TXLNB: variants seen among roughly 807,000 people sequenced by gnomAD.
TXLNB encodes taxilin beta.
A neutral mutation model predicts 57.4 loss-of-function variants in TXLNB; 37 were observed. The observed-to-expected ratio is 0.64, with a 90% CI of 0.50 to 0.85. The LOEUF is 0.85. Ranked by LOEUF, TXLNB falls within the 40% of genes least tolerant of loss-of-function variation. The probability of loss-of-function intolerance (pLI) is 0.00; values close to 1 mark genes in which losing one functional copy is unlikely to be tolerated. For missense variants in TXLNB, 848 were observed against 825.6 expected, an observed-to-expected ratio of 1.03 and a Z score of -0.33; for synonymous variants, 302 against 309.6, an observed-to-expected ratio of 0.98 and a Z score of 0.26.
the TXLNB span, among the ~76,000 whole-genome samples, chr6:139,212,672 G>A: frequency 6.0e-5 from 9 of 150,306 alleles, no homozygotes; most frequent in South Asian, 2.1e-4. Flanking sequence ...CAATTAAAAG[G>A]CACAGACTGG....
At chr6:139,322,966 T>C in the TXLNB span, among the ~76,000 whole-genome samples, 1 of 152,208 alleles carries the variant, frequency 6.6e-6, no homozygotes, top group Non-Finnish European at 1.5e-5. Context: ...CAGAGGCCCA[T>C]GGGGCTATCA....
At chr6:139,314,887 A>G in the TXLNB span, among the ~76,000 whole-genome samples, 1 of 152,194 alleles carries the variant, frequency 6.6e-6, no homozygotes, top group African/African-American at 2.4e-5. Flanking sequence ...TCTGAAACGA[A>G]ATTGCTAACA....
At chr6:139,178,902 T>C in the TXLNB span, 1 of 152,222 alleles carries the variant, frequency 6.6e-6, no homozygotes, top group Non-Finnish European at 1.5e-5. Flanking sequence ...AAGTATTTGA[T>C]GTTTTGTTTG....
In TXLNB at chr6:139,270,401, C is replaced by G; in HGVS notation, c.687+55G>C. 2.6e-6 allele frequency: 4 copies of G among 1,520,070 alleles called. 1 individual carries two copies. The highest frequency in any genetic ancestry group is 3.6e-6 in the Non-Finnish European group (4 of 1,116,066). 94.2% of individuals were successfully genotyped at this position (1,520,070 alleles called of 1,614,324 possible). ...ACACTCTTTCCATGAGTAGCAGAGG[C>G]CTGTCTCTGTGCCCCATTCAAGAAA... On this transcript the variant is annotated intron_variant, in intron 4 of 9. Transcript: ENST00000358430.
At chr6:139,266,965 G>GAAAAAA (rs201223278) in intron 4 of TXLNB, among the ~76,000 whole-genome samples, 1 of 110,490 alleles carries the variant, frequency 9.1e-6, no homozygotes, top group Non-Finnish European at 2.0e-5. Flanking sequence ...AGGCTAAAAG[G>GAAAAAA]AAAAAAAAAA....
the TXLNB span, among the ~76,000 whole-genome samples, chr6:139,181,790 G>A: frequency 6.6e-6 from 1 of 152,074 alleles, no homozygotes; most frequent in East Asian, 1.9e-4. Flanking sequence ...TATAAAAGAG[G>A]GTGAAAATAC....
At chr6:139,255,917 A>G (rs544887038) in intron 6 of TXLNB, among the ~76,000 whole-genome samples, 39 of 151,780 alleles carry the variant, frequency 2.6e-4, no homozygotes, top group African/African-American at 9.2e-4. Flanking sequence ...TCACTGAAAA[A>G]AAAAAAAAAC....
At chr6:139,161,979 T>G in the TXLNB span, among the ~76,000 whole-genome samples, 21 of 152,250 alleles carry the variant, frequency 1.4e-4, no homozygotes, top group African/African-American at 5.1e-4. Flanking sequence ...CAGGTCTGAC[T>G]GTCTAGGATT....
chr6:139,255,303 C>T, intron 7 of TXLNB: 1 of 487,198 alleles, frequency 2.1e-6, no homozygotes. Flanking sequence ...CTCTCTTGAC[C>T]ACTGTACTGT....
At chr6:139,180,163 C>T in the TXLNB span, 1 of 152,150 alleles carries the variant, frequency 6.6e-6, no homozygotes, top group African/African-American at 2.4e-5. Context: ...TGCCCTTTAA[C>T]TTCTAGGTTT....
the TXLNB span, among the ~76,000 whole-genome samples, chr6:139,312,510 G>A: frequency 6.6e-6 from 1 of 152,052 alleles, no homozygotes; most frequent in South Asian, 2.1e-4. Flanking sequence ...TTTCCATTTG[G>A]GTACCTTGCC....
At chr6:139,213,942 T>C in the TXLNB span, among the ~76,000 whole-genome samples, 1 of 152,294 alleles carries the variant, frequency 6.6e-6, no homozygotes, top group East Asian at 1.9e-4. Context: ...AAGTTGAATC[T>C]CTGAATAGAC....
chr6:139,165,367 T>C, the TXLNB span, among the ~76,000 whole-genome samples: 1 of 152,338 alleles, frequency 6.6e-6, no homozygotes, highest in East Asian at 1.9e-4. Flanking sequence ...GAATACAGAA[T>C]GGTACATATG....
chr6:139,239,018 G>T (rs2114394658), downstream of TXLNB: 1 of 152,260 alleles, frequency 6.6e-6, no homozygotes, highest in East Asian at 1.9e-4. The surrounding 1 kb of genome is among the most constrained non-coding windows in gnomAD (Gnocchi z 4.7). Flanking sequence ...CAAAAAAGGG[G>T]CTATTTAAAA....
intron 8 of TXLNB, among the ~76,000 whole-genome samples, chr6:139,245,075 AT>A (rs745341669): frequency 5.3e-5 from 8 of 152,236 alleles, no homozygotes; most frequent in South Asian, 2.1e-4. Context: ...CTTTTTAGCC[AT>A]TAAAATGTTG....
the TXLNB span, chr6:139,174,276 A>C: frequency 7.8e-7 from 1 of 1,280,394 alleles, no homozygotes; most frequent in Non-Finnish European, 1.1e-6. Context: ...TATTTATCCA[A>C]ATGATAAAAT....
At chr6:139,308,954 C>G in the TXLNB span, among the ~76,000 whole-genome samples, 1 of 152,190 alleles carries the variant, frequency 6.6e-6, no homozygotes, top group African/African-American at 2.4e-5. Context: ...AAGGATAAGT[C>G]TTGGTGATGG....
the TXLNB span, among the ~76,000 whole-genome samples, chr6:139,315,476 G>A: frequency 6.6e-6 from 1 of 152,174 alleles, no homozygotes; most frequent in Non-Finnish European, 1.5e-5. Flanking sequence ...AGTAAGTTAT[G>A]AGTAAAATTC....
chr6:139,259,513 C>T (rs947339390), intron 6 of TXLNB, among the ~76,000 whole-genome samples: 1 of 152,232 alleles, frequency 6.6e-6, no homozygotes, highest in Middle Eastern at 3.2e-3. Context: ...AGCTCCTCAT[C>T]TGGCAGGGCT....
Sources: allele counts gnomAD v4.1 joint callset (sites outside exome capture counted in the v4.1 genomes callset), GRCh38; gene constraint gnomAD v4.1.1; non-coding constraint Gnocchi (gnomAD v3.1); transcripts MANE v1.5; gene names NCBI Gene and HGNC (gene_info 2026-07-23, HGNC 2026-07-21).